Variants in EML6 observed in about 807,000 individuals in gnomAD.
The protein encoded by EML6 is echinoderm microtubule-associated protein-like 6.
Under a neutral mutation model 240.1 loss-of-function variants are expected in EML6, and 154 were observed. The ratio of observed to expected loss-of-function variants is 0.64; its 90% confidence interval spans 0.56 to 0.73. The LOEUF (loss-of-function observed/expected upper bound fraction) is 0.73. Ranked by LOEUF, EML6 falls within the 30% of genes least tolerant of loss-of-function variation. The pLI is 0.00. For synonymous variants in EML6, 1,148 were observed against 899.0 expected (o/e 1.28, Z -4.95); for missense variants, 2,964 against 2,474.6 (o/e 1.20, Z -4.20).
At chr2:54,779,447 G>A (rs1668747891) in intron 2 of EML6, among the ~76,000 whole-genome samples, 1 of 151,580 alleles carries the variant, frequency 6.6e-6, no homozygotes, top group Non-Finnish European at 1.5e-5. Context: ...TCTGGAGGCT[G>A]AGGCAGGAGA....
chr2:54,872,497 C>G (rs1202638824), intron 16 of EML6, among the ~76,000 whole-genome samples: 7 of 152,122 alleles, frequency 4.6e-5, no homozygotes. Flanking sequence ...TCATGCTGGT[C>G]TCTAATTCTA....
chr2:54,848,262 G>T (rs920405629), intron 9 of EML6, among the ~76,000 whole-genome samples: 6 of 152,010 alleles, frequency 3.9e-5, no homozygotes, highest in African/African-American at 1.5e-4. Flanking sequence ...TGCATTTGTC[G>T]TTCTCTCGAC....
intron 16 of EML6, among the ~76,000 whole-genome samples, chr2:54,877,391 C>G (rs1478059092): frequency 1.3e-5 from 2 of 152,054 alleles, no homozygotes; most frequent in Non-Finnish European, 2.9e-5. Context: ...CCAGTATCAT[C>G]AACATTCATT....
At chr2:54,766,620 A>AT (rs11362956) in intron 2 of EML6, among the ~76,000 whole-genome samples, 21 of 151,160 alleles carry the variant, frequency 1.4e-4, no homozygotes, top group African/African-American at 4.6e-4. Context: ...CAAAGTTACT[A>AT]TTTTTTTTTC....
chr2:54,827,464 G>A, intron 5 of EML6, 102 bp from the exon 6 acceptor site: 1 of 968,464 alleles, frequency 1.0e-6, no homozygotes, highest in Non-Finnish European at 1.5e-6. Flanking sequence ...GCCTAGCTTG[G>A]ATAGAGCACA....
chr2:54,905,560 T>A (rs1673283710), intron 24 of EML6, among the ~76,000 whole-genome samples: 2 of 152,306 alleles, frequency 1.3e-5, no homozygotes, highest in East Asian at 3.9e-4. Flanking sequence ...AAATGTACCA[T>A]TTTAATCATT....
chr2:54,945,945 G>A (rs185169271), intron 28 of EML6, among the ~76,000 whole-genome samples: 2 of 152,178 alleles, frequency 1.3e-5, no homozygotes, highest in African/African-American at 2.4e-5. Context: ...GGGGGTACAG[G>A]GTTGTGACTC....
At chr2:54,806,103 G>A (rs890478160) in intron 2 of EML6, among the ~76,000 whole-genome samples, 2 of 151,906 alleles carry the variant, frequency 1.3e-5, no homozygotes, top group East Asian at 1.9e-4. Flanking sequence ...ACATATACAT[G>A]TATGTATATA....
Position 54,971,528 on chromosome 2 carries a change from T to TAACA in EML6, c.*1434_*1437dup, listed in dbSNP as rs770540166. On this transcript the variant is annotated 3_prime_UTR_variant, in exon 42 of 42. Transcript: ENST00000356458. ...AGGCATTTTCAATTGTAGAATAGAC[T>TAACA]AACATTTACCACAGAAGTGCTTCAG... 3 of 152,254 alleles carry TAACA rather than the reference T, an allele frequency of 2.0e-5. No individual in the cohort carries two copies. The highest frequency in any genetic ancestry group is 6.5e-5 in the Admixed American group (1 of 15,284). The allele number at this position is 152,254 out of a possible 1,614,324, so 9.4% of individuals were successfully genotyped here.
At chr2:54,764,335 A>G (rs543419162) in intron 2 of EML6, among the ~76,000 whole-genome samples, 7 of 152,346 alleles carry the variant, frequency 4.6e-5, no homozygotes, top group Non-Finnish European at 1.0e-4. Context: ...AGCCATTTAA[A>G]GTAAATATAG....
intron 17 of EML6, among the ~76,000 whole-genome samples, chr2:54,884,454 C>G (rs116195024): frequency 0.022 from 3,319 of 152,276 alleles, 111 homozygotes; most frequent in African/African-American, 0.072. Context: ...TGATCCCTCT[C>G]CCTTCCCTGA....
intron 2 of EML6, among the ~76,000 whole-genome samples, chr2:54,738,186 C>G (rs771238048): frequency 1.6e-4 from 25 of 151,940 alleles, no homozygotes; most frequent in Admixed American, 7.9e-4. Flanking sequence ...AGGGCTGTTT[C>G]ATTCACTGCT....
chr2:54,925,534 T>G (rs1674497485), intron 26 of EML6, among the ~76,000 whole-genome samples: 1 of 152,214 alleles, frequency 6.6e-6, no homozygotes, highest in Non-Finnish European at 1.5e-5. Flanking sequence ...CTTGGCTCTT[T>G]TTCTCATTCT....
intron 2 of EML6, among the ~76,000 whole-genome samples, chr2:54,747,768 A>G: frequency 6.6e-6 from 1 of 152,196 alleles, no homozygotes; most frequent in Non-Finnish European, 1.5e-5. Context: ...CATGTTATTT[A>G]TCCTTAAGAT....
intron 2 of EML6, among the ~76,000 whole-genome samples, chr2:54,807,230 A>G (rs1670546343): frequency 6.6e-6 from 1 of 152,228 alleles, no homozygotes; most frequent in African/African-American, 2.4e-5. Context: ...TCAGCAAAGA[A>G]GTTGTTCACA....
At chr2:54,870,617 G>T (rs969942976) in intron 15 of EML6, among the ~76,000 whole-genome samples, 1 of 151,848 alleles carries the variant, frequency 6.6e-6, no homozygotes, top group African/African-American at 2.4e-5. Context: ...CTTATTTTTT[G>T]TCTGTCTTAT....
At chr2:54,826,631 C>G (rs1209569458) in intron 5 of EML6, among the ~76,000 whole-genome samples, 1 of 152,156 alleles carries the variant, frequency 6.6e-6, no homozygotes, top group Non-Finnish European at 1.5e-5. Context: ...TATGTCAATA[C>G]AAAATATTTT....
chr2:54,796,550 A>G (rs1196404507), intron 2 of EML6, among the ~76,000 whole-genome samples: 1 of 151,046 alleles, frequency 6.6e-6, no homozygotes, highest in Non-Finnish European at 1.5e-5. Context: ...AGAGCTTACT[A>G]TCTTAAAGGA....
In EML6 at chr2:54,885,003, A is replaced by T. The variant is rs531357208; in HGVS notation, c.2438+5363A>T. 5.9e-5 allele frequency among the ~76,000 whole-genome samples: 9 copies of T among 152,150 alleles called. No individual in the cohort carries two copies. In the South Asian group the frequency reaches 1.7e-3, roughly 28 times the overall value. On this transcript the variant is annotated intron_variant, in intron 17 of 41. Coordinates refer to ENST00000356458, the MANE Select transcript of EML6 (RefSeq NM_001039753.4). The stretch of plus-strand genomic sequence containing the variant: ...AGCCCGGCCCCCGTCTCTACTAAAA[A>T]TACAAAAAATTACCCGGGCATGATG...
Sources: allele counts gnomAD v4.1 joint callset (sites outside exome capture counted in the v4.1 genomes callset), GRCh38; gene constraint gnomAD v4.1.1; transcripts MANE v1.5; gene names NCBI Gene and HGNC (gene_info 2026-07-23, HGNC 2026-07-21).